Variants in PRMT8 observed in about 807,000 individuals in gnomAD.
The protein encoded by PRMT8 is protein arginine methyltransferase 8.
Under a neutral mutation model 47.1 loss-of-function variants are expected in PRMT8, and 7 were observed. The observed-to-expected ratio is 0.15, with a 90% CI of 0.08 to 0.28. The LOEUF (loss-of-function observed/expected upper bound fraction) is 0.28, where lower values mean the gene tolerates loss of function less well. Ranked by LOEUF, PRMT8 falls within the 10% of genes least tolerant of loss-of-function variation. The pLI is 1.00. For missense variants in PRMT8, 237 were observed against 505.4 expected (o/e 0.47, Z 5.09); for synonymous variants, 188 against 186.5 (o/e 1.01, Z -0.07).
At chr12:3,460,622 G>A (rs1483893570) in intron 1 of PRMT8, among the ~76,000 whole-genome samples, 1 of 152,196 alleles carries the variant, frequency 6.6e-6, no homozygotes, top group Non-Finnish European at 1.5e-5. Context: ...TTATATCCCT[G>A]ACATTAGGCT....
chr12:3,399,058 C>G (rs1864292454), intron 1 of PRMT8, among the ~76,000 whole-genome samples: 1 of 152,174 alleles, frequency 6.6e-6, no homozygotes. Flanking sequence ...CTAAGACTGT[C>G]TCACCCTCTC....
Position 3,491,312 on chromosome 12 carries a change from C to CTCAGCGCCGAGTGCCAAACTTTCCCCA in PRMT8, c.-314_-313insTCAGCGCCGAGTGCCAAACTTTCCCCA. The CTCAGCGCCGAGTGCCAAACTTTCCCCA allele has an allele frequency of 9.2e-7, 1 of 1,091,534 alleles. No homozygotes were observed. The highest frequency in any genetic ancestry group is 5.0e-5 in the Admixed American group (1 of 19,926). 67.6% of individuals were successfully genotyped at this position (1,091,534 alleles called of 1,614,324 possible). A position where few individuals can be genotyped will look rare whatever the true frequency, so the allele number is the denominator to read the frequency against. On this transcript the variant is annotated 5_prime_UTR_variant, in exon 1 of 10. Transcript: ENST00000382622. ...TCCGCGACCGCCGCCGCCGCCGCCG[C>CTCAGCGCCGAGTGCCAAACTTTCCCCA]GGAGGCTTCGGGGCTGCTTCCCTCG...
At chr12:3,589,740 A>G (rs1189468484) in intron 8 of PRMT8, among the ~76,000 whole-genome samples, 1 of 152,178 alleles carries the variant, frequency 6.6e-6, no homozygotes, top group Non-Finnish European at 1.5e-5. Context: ...GAAAATAATC[A>G]TCTTCCTCCA....
intron 1 of PRMT8, among the ~76,000 whole-genome samples, chr12:3,387,263 G>A (rs377718321): frequency 5.3e-5 from 8 of 152,108 alleles, no homozygotes; most frequent in Admixed American, 1.3e-4. Context: ...TTTCATCAGC[G>A]GATGAAAGAG....
At chr12:3,426,900 C>T (rs1023514635) in intron 1 of PRMT8, among the ~76,000 whole-genome samples, 3 of 151,816 alleles carry the variant, frequency 2.0e-5, no homozygotes, top group Admixed American at 1.3e-4. Context: ...CAGGCTGGCT[C>T]GAGTTTTCCT....
At chr12:3,459,866 A>T (rs1443852288) in intron 1 of PRMT8, among the ~76,000 whole-genome samples, 1 of 152,172 alleles carries the variant, frequency 6.6e-6, no homozygotes, top group Non-Finnish European at 1.5e-5. Flanking sequence ...GGAATCTCTT[A>T]GTCCCTCTTC....
chr12:3,491,338 A>AC lies in PRMT8; in HGVS notation c.-288_-287insC. ...GGAGGCTTCGGGGCTGCTTCCCTCGAGCTTAGCCCGCAGCGCGGGTGGAGA... is the reference window on the plus strand; with the variant it reads ...GGAGGCTTCGGGGCTGCTTCCCTCGACGCTTAGCCCGCAGCGCGGGTGGAGA... On this transcript the variant is annotated 5_prime_UTR_variant, in exon 1 of 10. Coordinates refer to ENST00000382622, the MANE Select transcript of PRMT8 (RefSeq NM_019854.5). 9.1e-7 allele frequency: 1 copy of AC among 1,093,096 alleles called. No individual in the cohort carries two copies. Among genetic ancestry groups the AC allele is most frequent in the Non-Finnish European group, 1.1e-6 (1 of 900,224 alleles). 67.7% of individuals were successfully genotyped at this position (1,093,096 alleles called of 1,614,324 possible).
chr12:3,421,715 G>A (rs979188287), intron 1 of PRMT8, among the ~76,000 whole-genome samples: 1 of 152,218 alleles, frequency 6.6e-6, no homozygotes, highest in African/African-American at 2.4e-5. Flanking sequence ...TGGGAAACAG[G>A]CACTTTGATG....
intron 7 of PRMT8, among the ~76,000 whole-genome samples, chr12:3,578,155 C>T (rs1866983252): frequency 1.3e-5 from 2 of 152,160 alleles, no homozygotes; most frequent in Admixed American, 1.3e-4. Context: ...CTCTGTCACC[C>T]AGACTGGAGT....
chr12:3,536,037 C>T (rs923158981), intron 1 of PRMT8, among the ~76,000 whole-genome samples: 1 of 152,172 alleles, frequency 6.6e-6, no homozygotes, highest in Non-Finnish European at 1.5e-5. Flanking sequence ...TCATGTATAT[C>T]TCTTGGAGAT....
intron 8 of PRMT8, among the ~76,000 whole-genome samples, chr12:3,586,717 G>A (rs1282314676): frequency 6.6e-6 from 1 of 152,212 alleles, no homozygotes; most frequent in Non-Finnish European, 1.5e-5. Flanking sequence ...CCAGCTTAAG[G>A]ACCACTGCCT....
chr12:3,471,810 C>T (rs963764750), intron 1 of PRMT8, among the ~76,000 whole-genome samples: 6 of 151,692 alleles, frequency 4.0e-5, no homozygotes, highest in African/African-American at 9.7e-5. Context: ...TGGAGGCAGG[C>T]GCCCGTCCCT....
At chr12:3,532,205 A>G (rs575773661) in intron 1 of PRMT8, among the ~76,000 whole-genome samples, 21 of 151,388 alleles carry the variant, frequency 1.4e-4, no homozygotes, top group Non-Finnish European at 2.5e-4. Flanking sequence ...ACAGCCATAA[A>G]TGTGATAGTA....
intron 1 of PRMT8, among the ~76,000 whole-genome samples, chr12:3,498,204 G>C (rs1481713392): frequency 2.0e-5 from 3 of 152,232 alleles, no homozygotes; most frequent in Non-Finnish European, 4.4e-5. Context: ...CTGAAGCACA[G>C]AGAGTTACTG....
At chr12:3,399,310 A>C (rs1002463288) in intron 1 of PRMT8, among the ~76,000 whole-genome samples, 4 of 152,154 alleles carry the variant, frequency 2.6e-5, no homozygotes, top group African/African-American at 9.7e-5. Context: ...GCGACTGGGG[A>C]GCTGGAGAGG....
At chr12:3,579,671 C>T (rs916110000) in intron 7 of PRMT8, among the ~76,000 whole-genome samples, 3 of 152,128 alleles carry the variant, frequency 2.0e-5, no homozygotes, top group East Asian at 1.9e-4. Flanking sequence ...AACATCTTGC[C>T]GAGCCTGTTG....
At chr12:3,491,835 T>C (rs1233630317) in intron 1 of PRMT8, 135 bp downstream of exon 1, 79 of 11,422 alleles carry the variant, frequency 6.9e-3, no homozygotes, top group Non-Finnish European at 9.5e-3. Flanking sequence ...CCTCCTCCTG[T>C]GTGTGTGTGT....
intron 1 of PRMT8, among the ~76,000 whole-genome samples, chr12:3,431,317 T>C (rs1864673468): frequency 6.9e-6 from 1 of 145,414 alleles, no homozygotes; most frequent in Admixed American, 6.8e-5. Context: ...GAGAGAGAGA[T>C]CAGTAGCAGA....
intron 1 of PRMT8, among the ~76,000 whole-genome samples, chr12:3,399,266 C>G (rs930433667): frequency 3.3e-5 from 5 of 152,172 alleles, no homozygotes; most frequent in Non-Finnish European, 5.9e-5. Context: ...TGCAGATGAG[C>G]AACCCTTTTA....
Sources: gnomAD v4.1 joint callset for allele counts (sites outside exome capture counted in the v4.1 genomes callset) on GRCh38, gnomAD v4.1.1 for gene constraint, MANE v1.5 for transcripts, NCBI Gene and HGNC (gene_info 2026-07-23, HGNC 2026-07-21) for gene names.